The following KMT2C variants were observed in gnomAD, a reference collection of about 807,000 sequenced individuals.
KMT2C encodes lysine methyltransferase 2C, also known as histone-lysine N-methyltransferase 2C.
A neutral mutation model predicts 507.9 loss-of-function variants in KMT2C; 88 were observed. The observed-to-expected ratio is 0.17, with a 90% confidence interval of 0.15 to 0.21. The LOEUF is 0.21. Ranked by LOEUF, KMT2C falls within the 10% of genes least tolerant of loss-of-function variation. The pLI is 1.00. For synonymous variants in KMT2C, 2,049 were observed against 2,080.8 expected (o/e 0.98, Z 0.42); for missense variants, 4,954 against 5,957.8 (o/e 0.83, Z 5.55).
intron 1 of KMT2C, among the ~76,000 whole-genome samples, chr7:152,433,123 G>A (rs1286740528): frequency 2.0e-5 from 3 of 151,396 alleles, no homozygotes; most frequent in African/African-American, 7.3e-5. Context: ...ACTACAGCCT[G>A]GGCTACAGAG....
intron 6 of KMT2C, among the ~76,000 whole-genome samples, chr7:152,277,445 A>C (rs2096103743): frequency 6.6e-6 from 1 of 152,222 alleles, no homozygotes; most frequent in South Asian, 2.1e-4. Flanking sequence ...CTAAAGGAAA[A>C]GTTATGTAAA....
chr7:152,231,981 G>A (rs1320625218), intron 16 of KMT2C, among the ~76,000 whole-genome samples: 1 of 150,530 alleles, frequency 6.6e-6, no homozygotes, highest in African/African-American at 2.5e-5. Flanking sequence ...CCAGGTTCAC[G>A]GCATTCTCCT....
At position 152,263,274 on chromosome 7, in the gene KMT2C, G is replaced by C. The variant is rs2095809833; in HGVS notation, c.1185-144C>G. The C allele has an allele frequency of 6.4e-6, 4 of 629,842 alleles. No homozygotes were observed. In the East Asian group the frequency reaches 1.2e-4, roughly 19 times the overall value. The allele number at this position is 629,842 out of a possible 1,614,324, so 39.0% of individuals were successfully genotyped here. Reference sequence around the variant, plus strand: ...TTTTGTCTCTGCAGATAGTAACAGAGGTAACCCTGCCATAAGGATTACCTC... The same window carrying C: ...TTTTGTCTCTGCAGATAGTAACAGACGTAACCCTGCCATAAGGATTACCTC... On this transcript the variant is annotated intron_variant, in intron 8 of 58. Coordinates refer to ENST00000262189, the MANE Select transcript of KMT2C (RefSeq NM_170606.3).
intron 27 of KMT2C, among the ~76,000 whole-genome samples, chr7:152,196,412 T>C (rs1001297359): frequency 4.6e-5 from 7 of 152,154 alleles, no homozygotes; most frequent in Admixed American, 3.3e-4. Context: ...TGTCACTCTT[T>C]AGAAATTCCA....
intron 1 of KMT2C, among the ~76,000 whole-genome samples, chr7:152,429,408 G>A (rs1307243985): frequency 2.0e-5 from 3 of 152,070 alleles, no homozygotes; most frequent in African/African-American, 7.2e-5. Context: ...ATATTACAAA[G>A]TGCAAAAAGA....
intron 37 of KMT2C, among the ~76,000 whole-genome samples, chr7:152,178,512 A>G (rs758430496): frequency 2.0e-5 from 3 of 152,220 alleles, no homozygotes; most frequent in Non-Finnish European, 4.4e-5. Flanking sequence ...CTTAGAGAAA[A>G]GGACAAGTAG....
intron 1 of KMT2C, among the ~76,000 whole-genome samples, chr7:152,381,672 T>A (rs200014778): frequency 3.7e-4 from 53 of 145,012 alleles, no homozygotes; most frequent in Middle Eastern, 3.5e-3. Flanking sequence ...ATCCTGAGAT[T>A]TCACTTTCAA....
At chr7:152,325,084 TTA>T (rs2096814298) in intron 3 of KMT2C, among the ~76,000 whole-genome samples, 1 of 152,018 alleles carries the variant, frequency 6.6e-6, no homozygotes, top group Non-Finnish European at 1.5e-5. Context: ...TTTCTGTCAT[TTA>T]TCTTTTTACT....
Position 152,248,568 on chromosome 7 carries a change from T to G in KMT2C, c.1866A>C (p.Glu622Asp). The G allele has an allele frequency of 6.2e-7, 1 of 1,613,698 alleles. No individual in the cohort carries two copies. The highest frequency in any genetic ancestry group is 1.1e-5 in the South Asian group (1 of 91,024). Residue 622 changes from glutamate to aspartate, a missense_variant, in exon 14 of 59, where the codon GAA becomes GAC. Coordinates refer to ENST00000262189, the MANE Select transcript of KMT2C (RefSeq NM_170606.3). ...ACATTTTCAGGTCTTCACTATCAAC[T>G]TCATTAGAAATCTGTTTTTCCAATT... is the stretch of plus-strand genomic sequence containing the variant. ...NTELEKQISN[E>D]VDSEDLKMSS...
chr7:152,372,704 C>A (rs2097301491), intron 1 of KMT2C, among the ~76,000 whole-genome samples: 1 of 152,086 alleles, frequency 6.6e-6, no homozygotes, highest in Non-Finnish European at 1.5e-5. Flanking sequence ...CAATTTGGAG[C>A]ACCTAAATAT....
chr7:152,173,324 T>A (rs917295293), intron 39 of KMT2C, among the ~76,000 whole-genome samples: 2 of 152,204 alleles, frequency 1.3e-5, no homozygotes, highest in Admixed American at 1.3e-4. Flanking sequence ...CTAGACTAAA[T>A]TGAGGCTCTA....
chr7:152,418,474 A>G (rs1167867506), intron 1 of KMT2C, among the ~76,000 whole-genome samples: 1 of 152,114 alleles, frequency 6.6e-6, no homozygotes, highest in Non-Finnish European at 1.5e-5. Flanking sequence ...TCTGTCGCCC[A>G]GGCTGGAGTG....
At chr7:152,415,086 T>C (rs1254765991) in intron 1 of KMT2C, among the ~76,000 whole-genome samples, 1 of 152,064 alleles carries the variant, frequency 6.6e-6, no homozygotes, top group African/African-American at 2.4e-5. Flanking sequence ...GCTCAAGCTA[T>C]CAGCCTGCCT....
intron 52 of KMT2C, among the ~76,000 whole-genome samples, chr7:152,147,534 TAAA>T (rs950483294): frequency 6.6e-6 from 1 of 150,530 alleles, no homozygotes; most frequent in African/African-American, 2.4e-5. Context: ...AATACAAAAT[TAAA>T]AACTACTAAA....
In KMT2C at chr7:152,367,924, T is replaced by G. The variant is rs566671025; in HGVS notation, c.162-9249A>C. 4.9e-6 allele frequency: 5 copies of G among 1,015,286 alleles called. No individual in the cohort carries two copies. In the Admixed American group the frequency reaches 9.0e-5, roughly 18 times the overall value. The allele number at this position is 1,015,286 out of a possible 1,614,324, so 62.9% of individuals were successfully genotyped here. ...CATGAAAAAGTGATTATCATCCAACTTATTGCCAAAGCAGACACACTTATA... is the reference window on the plus strand; with the variant it reads ...CATGAAAAAGTGATTATCATCCAACGTATTGCCAAAGCAGACACACTTATA... On this transcript the variant is annotated intron_variant, in intron 1 of 58. Transcript: ENST00000262189.
chr7:152,222,774 T>A, intron 20 of KMT2C, 92 bp from the exon 21 acceptor site: 1 of 725,838 alleles, frequency 1.4e-6, no homozygotes, highest in Non-Finnish European at 2.4e-6. Context: ...GTCTTCAAAC[T>A]TAAAAGCCCT....
At chr7:152,239,020 G>C (rs1026552770) in intron 14 of KMT2C, 194 bp from the exon 15 acceptor site, 63 of 480,840 alleles carry the variant, frequency 1.3e-4, no homozygotes, top group Non-Finnish European at 2.1e-4. Context: ...TTAAATGTTT[G>C]CTGCTACAAT....
chr7:152,387,778 A>G (rs1457490363), intron 1 of KMT2C, among the ~76,000 whole-genome samples: 1 of 152,008 alleles, frequency 6.6e-6, no homozygotes, highest in Non-Finnish European at 1.5e-5. Flanking sequence ...GCCTAATTCC[A>G]TTTGTTTTCA....
intron 1 of KMT2C, among the ~76,000 whole-genome samples, chr7:152,423,125 G>A (rs1264878072): frequency 1.3e-5 from 2 of 152,112 alleles, no homozygotes; most frequent in Non-Finnish European, 2.9e-5. Flanking sequence ...TGGATCACCA[G>A]AGGTCAGGAG....
Sources: gnomAD v4.1 joint callset for allele counts (sites outside exome capture counted in the v4.1 genomes callset) on GRCh38, gnomAD v4.1.1 for gene constraint, MANE v1.5 for transcripts, NCBI Gene and HGNC (gene_info 2026-07-23, HGNC 2026-07-21) for gene names.